ZFPM2: variants seen among roughly 807,000 people sequenced by gnomAD.
The protein encoded by ZFPM2 is zinc finger protein ZFPM2.
ZFPM2 carries 20 observed loss-of-function variants against 98.6 expected under a neutral mutation model. The ratio of observed to expected loss-of-function variants is 0.20; its 90% CI spans 0.14 to 0.29. The LOEUF is 0.29. Ranked by LOEUF, ZFPM2 falls within the 10% of genes least tolerant of loss-of-function variation. ZFPM2 has a pLI of 1.00. For missense variants in ZFPM2, 1,310 were observed against 1,388.6 expected, an observed-to-expected ratio of 0.94 and a Z score of 0.90; for synonymous variants, 518 against 502.7, an observed-to-expected ratio of 1.03 and a Z score of -0.41.
At chr8:105,426,067 G>A (rs1194670663) in intron 2 of ZFPM2, among the ~76,000 whole-genome samples, 1 of 151,738 alleles carries the variant, frequency 6.6e-6, no homozygotes, top group Non-Finnish European at 1.5e-5. Flanking sequence ...ACATGTTTTT[G>A]CCTCCTCTGA....
At chr8:105,327,839 A>G (rs1355886249) in intron 1 of ZFPM2, among the ~76,000 whole-genome samples, 2 of 151,834 alleles carry the variant, frequency 1.3e-5, no homozygotes, top group African/African-American at 4.8e-5. Flanking sequence ...ATTACTTACA[A>G]TAGCATAAAA....
intron 3 of ZFPM2, among the ~76,000 whole-genome samples, chr8:105,465,549 T>G (rs1484464455): frequency 6.6e-6 from 1 of 151,886 alleles, no homozygotes; most frequent in Non-Finnish European, 1.5e-5. Flanking sequence ...AAATTATACT[T>G]GTAGACTTTA....
intron 5 of ZFPM2, among the ~76,000 whole-genome samples, chr8:105,715,235 C>A (rs1421486530): frequency 6.6e-6 from 1 of 151,158 alleles, no homozygotes; most frequent in Non-Finnish European, 1.5e-5. Context: ...CCCATCTCTA[C>A]AAAAAAAATA....
At chr8:105,593,526 T>A (rs1815895181) in intron 4 of ZFPM2, among the ~76,000 whole-genome samples, 1 of 152,068 alleles carries the variant, frequency 6.6e-6, no homozygotes, top group South Asian at 2.1e-4. Context: ...GATACCAGTG[T>A]CCCAAATCTG....
intron 3 of ZFPM2, among the ~76,000 whole-genome samples, chr8:105,538,814 C>T (rs1234095836): frequency 2.0e-5 from 3 of 151,948 alleles, no homozygotes; most frequent in East Asian, 1.9e-4. Flanking sequence ...GAATTTGAGA[C>T]GAGCCTGGGC....
intron 1 of ZFPM2, among the ~76,000 whole-genome samples, chr8:105,368,862 C>A (rs1810562776): frequency 6.6e-6 from 1 of 152,128 alleles, no homozygotes; most frequent in African/African-American, 2.4e-5. Context: ...TTATCTAGAG[C>A]TTGTCATTTC....
intron 3 of ZFPM2, among the ~76,000 whole-genome samples, chr8:105,490,578 A>G (rs1196036995): frequency 2.0e-5 from 3 of 152,228 alleles, no homozygotes; most frequent in African/African-American, 4.8e-5. Context: ...TTGGTTATCA[A>G]TGTTATATTT....
intron 4 of ZFPM2, among the ~76,000 whole-genome samples, chr8:105,581,465 T>C (rs1815597114): frequency 1.4e-5 from 2 of 142,764 alleles, no homozygotes; most frequent in African/African-American, 5.7e-5. Context: ...TTCTATTTCT[T>C]ATGATAGAGA....
intron 1 of ZFPM2, among the ~76,000 whole-genome samples, chr8:105,385,642 A>T (rs190821318): frequency 3.1e-4 from 47 of 152,352 alleles, no homozygotes; most frequent in African/African-American, 1.1e-3. Flanking sequence ...TTGTAAATAC[A>T]TGCAAATATT....
intron 5 of ZFPM2, among the ~76,000 whole-genome samples, chr8:105,663,643 C>T (rs548044633): frequency 2.0e-5 from 3 of 152,244 alleles, no homozygotes; most frequent in African/African-American, 7.2e-5. Flanking sequence ...TTGCTTTTAC[C>T]ATCTCATTGA....
At chr8:105,644,447 A>G (rs1418274769) in intron 5 of ZFPM2, among the ~76,000 whole-genome samples, 2 of 151,416 alleles carry the variant, frequency 1.3e-5, no homozygotes, top group East Asian at 1.9e-4. Flanking sequence ...TGCCTCCCAA[A>G]TTGTCTGTCT....
chr8:105,659,439 T>C (rs1414164193), intron 5 of ZFPM2, among the ~76,000 whole-genome samples: 4 of 152,204 alleles, frequency 2.6e-5, no homozygotes, highest in Admixed American at 2.0e-4. Flanking sequence ...GGGAGTGTGC[T>C]GGTTTTCTGG....
At chr8:105,602,391 A>G (rs1235267323) in intron 4 of ZFPM2, among the ~76,000 whole-genome samples, 1 of 152,128 alleles carries the variant, frequency 6.6e-6, no homozygotes, top group Non-Finnish European at 1.5e-5. Flanking sequence ...TACTGAGTTT[A>G]TCTCTTTGTC....
At chr8:105,384,627 T>A (rs1810949211) in intron 1 of ZFPM2, among the ~76,000 whole-genome samples, 1 of 151,820 alleles carries the variant, frequency 6.6e-6, no homozygotes, top group Non-Finnish European at 1.5e-5. Context: ...TGTGCAATAG[T>A]TAGTTGGGAA....
chr8:105,340,352 A>G (rs1310249826), intron 1 of ZFPM2, among the ~76,000 whole-genome samples: 1 of 151,932 alleles, frequency 6.6e-6, no homozygotes, highest in Non-Finnish European at 1.5e-5. Flanking sequence ...ACGTACCCAT[A>G]ACAACAAAAA....
chr8:105,700,752 C>G (rs567914337), intron 5 of ZFPM2, among the ~76,000 whole-genome samples: 1 of 152,004 alleles, frequency 6.6e-6, no homozygotes, highest in African/African-American at 2.4e-5. Context: ...CGCACCACCA[C>G]GCCTGGCTAA....
intron 1 of ZFPM2, among the ~76,000 whole-genome samples, chr8:105,413,232 A>C (rs1232799426): frequency 6.6e-6 from 1 of 151,836 alleles, no homozygotes; most frequent in African/African-American, 2.4e-5. Context: ...GGAGTCATCC[A>C]ATTTTAGTGT....
Position 105,803,693 on chromosome 8 carries a change from C to A in ZFPM2, c.*155C>A. ...ACTTAAGGTGTAATTTCATTACAGTCCATTAGTAAAGTGTATTATTGGTGC... is the reference window on the plus strand; with the variant it reads ...ACTTAAGGTGTAATTTCATTACAGTACATTAGTAAAGTGTATTATTGGTGC... On this transcript the variant is annotated 3_prime_UTR_variant, in exon 8 of 8. Transcript: ENST00000407775. 1 of 703,748 alleles carries A rather than the reference C, an allele frequency of 1.4e-6. No individual in the cohort carries two copies. Among genetic ancestry groups the A allele is most frequent in the Non-Finnish European group, 2.3e-6 (1 of 431,582 alleles). The allele number at this position is 703,748 out of a possible 1,614,324, so 43.6% of individuals were successfully genotyped here.
chr8:105,446,120 C>T (rs1469463161), intron 3 of ZFPM2, among the ~76,000 whole-genome samples: 1 of 152,050 alleles, frequency 6.6e-6, no homozygotes, highest in African/African-American at 2.4e-5. Context: ...CGGGGTTTCA[C>T]CATATTAGTC....
Sources: gnomAD v4.1 joint callset for allele counts (sites outside exome capture counted in the v4.1 genomes callset) on GRCh38, gnomAD v4.1.1 for gene constraint, MANE v1.5 for transcripts, NCBI Gene and HGNC (gene_info 2026-07-23, HGNC 2026-07-21) for gene names.